The following ZNF738 variants were observed in gnomAD, a reference collection of about 807,000 sequenced individuals.
ZNF738 encodes protein ZNF738.
A neutral mutation model predicts 9.2 loss-of-function variants in ZNF738; 10 were observed. The observed-to-expected ratio is 1.09, with a 90% confidence interval of 0.67 to 1.85. ZNF738 has a LOEUF of 1.85. ZNF738 is among the 40% of genes most tolerant of loss of function. The pLI is 0.00. For missense variants in ZNF738, 346 were observed against 283.6 expected (o/e 1.22, Z -1.58); for synonymous variants, 113 against 94.5 (o/e 1.20, Z -1.14).
At position 21,384,979 on chromosome 19, in the gene ZNF738, G is replaced by C. The variant is rs7508607; in HGVS notation, c.*1305G>C. Among the ~76,000 whole-genome samples, 1 of 152,146 alleles carries C rather than the reference G, an allele frequency of 6.6e-6. No individual in the cohort carries two copies. Among genetic ancestry groups the C allele is most frequent in the African/African-American group, 2.4e-5 (1 of 41,440 alleles). ...TACTCATACTTTACTACACATAGGA[G>C]AATTCATGCGGAAGAGAATTTCTAC... On this transcript the variant is annotated 3_prime_UTR_variant, in exon 5 of 5. Coordinates refer to ENST00000683779, the MANE Select transcript of ZNF738 (RefSeq NM_001355237.2).
Position 21,384,281 on chromosome 19 carries a change from A to C in ZNF738, c.*607A>C, listed in dbSNP as rs573613141. On this transcript the variant is annotated 3_prime_UTR_variant, in exon 5 of 5. Transcript: ENST00000683779. ...AAGAATGTGGCAAAGCCTTTAGTGT[A>C]TTCTCAACCCTTACTAAACATAAGA... Among the ~76,000 whole-genome samples the C allele has an allele frequency of 1.5e-3, 233 of 151,762 alleles. 1 individual carries two copies. Among genetic ancestry groups the C allele is most frequent in the Non-Finnish European group, 2.6e-3 (178 of 67,870 alleles).
At chr19:21,359,225 CCT>C in intron 1 of ZNF738, 82 bp downstream of exon 1, 3 of 913,236 alleles carry the variant, frequency 3.3e-6, no homozygotes, top group Non-Finnish European at 5.5e-6. Context: ...GAGACTCAGG[CCT>C]CCCCGCAGTC....
At chr19:21,363,820 G>A (rs1186486866) in intron 2 of ZNF738, among the ~76,000 whole-genome samples, 2 of 151,166 alleles carry the variant, frequency 1.3e-5, no homozygotes, top group Admixed American at 6.6e-5. Flanking sequence ...CCCAGGAGTC[G>A]GAGGTTGCAG....
chr19:21,380,582 T>TA (rs1162378125), intron 4 of ZNF738, among the ~76,000 whole-genome samples: 3 of 152,148 alleles, frequency 2.0e-5, no homozygotes, highest in Non-Finnish European at 4.4e-5. Flanking sequence ...AGCAGGCACA[T>TA]AAGGTGGCAA....
Position 21,359,024 on chromosome 19 carries a change from G to C in ZNF738, c.-117G>C. On this transcript the variant is annotated 5_prime_UTR_variant, in exon 1 of 5. Transcript: ENST00000683779. ...TGTCTTTGGCTGCCGCTGGAACTCC[G>C]GGTCTCGTCTTCACTGCTCTGTGTC... The C allele has an allele frequency of 2.6e-6, 2 of 779,484 alleles. No homozygotes were observed. Among genetic ancestry groups the C allele is most frequent in the Non-Finnish European group, 4.7e-6 (2 of 427,304 alleles). 48.3% of individuals were successfully genotyped at this position (779,484 alleles called of 1,614,324 possible).
chr19:21,383,322 C>A lies in ZNF738; in HGVS notation c.776C>A (p.Ser259Tyr). Residue 259 changes from serine to tyrosine, a missense_variant, in exon 5 of 5, where the codon TCC becomes TAC. Transcript: ENST00000683779. ...RHKRIHTGDK[S>Y]YKHEECGKGF... ...AAGAGAATTCATACTGGAGACAAATCCTACAAACATGAAGAATGTGGAAAA... is the reference window on the plus strand; with the variant it reads ...AAGAGAATTCATACTGGAGACAAATACTACAAACATGAAGAATGTGGAAAA... 1.4e-6 allele frequency: 2 copies of A among 1,429,770 alleles called. No homozygotes were observed. The highest frequency in any genetic ancestry group is 2.3e-5 in the East Asian group (1 of 43,434). 88.6% of individuals were successfully genotyped at this position (1,429,770 alleles called of 1,614,324 possible). A position where few individuals can be genotyped will look rare whatever the true frequency, so the allele number is the denominator to read the frequency against.
chr19:21,380,747 G>A (rs1448275783), intron 4 of ZNF738, among the ~76,000 whole-genome samples: 14 of 152,138 alleles, frequency 9.2e-5, no homozygotes, highest in Admixed American at 2.0e-4. Context: ...TCATACAAAT[G>A]TATAAAAAGG....
At chr19:21,378,680 C>A in intron 4 of ZNF738, 1 of 391,954 alleles carries the variant, frequency 2.6e-6, no homozygotes, top group South Asian at 1.8e-5. Context: ...GCGATTTCAC[C>A]TCGCTGTGTC....
intron 1 of ZNF738, among the ~76,000 whole-genome samples, chr19:21,361,005 G>T (rs1015237178): frequency 4.0e-5 from 6 of 151,320 alleles, no homozygotes; most frequent in Non-Finnish European, 5.9e-5. Context: ...GAAGAGATAG[G>T]GTTTCTCCAT....
At chr19:21,379,209 TTTTA>T (rs1460380850) in intron 4 of ZNF738, 4 of 152,268 alleles carry the variant, frequency 2.6e-5, no homozygotes, top group South Asian at 4.1e-4. Context: ...TGTATACATT[TTTTA>T]TTTCTTTCTG....
At chr19:21,365,737 G>C (rs988052095) in intron 2 of ZNF738, among the ~76,000 whole-genome samples, 1 of 151,984 alleles carries the variant, frequency 6.6e-6, no homozygotes, top group African/African-American at 2.4e-5. Context: ...CGGGTGGATC[G>C]CTTGAGGTCA....
In ZNF738 at chr19:21,386,742, C is replaced by T. The variant is rs1380629003; in HGVS notation, c.*3068C>T. The T allele has an allele frequency of 5.5e-6, 1 of 182,416 alleles. No homozygotes were observed. Among genetic ancestry groups the T allele is most frequent in the African/African-American group, 2.4e-5 (1 of 41,934 alleles). 11.3% of individuals were successfully genotyped at this position (182,416 alleles called of 1,614,324 possible). On this transcript the variant is annotated 3_prime_UTR_variant, in exon 5 of 5. Transcript: ENST00000683779. ...TATTATTTTTAGAGATGGAGTTTCA[C>T]TCTTGTTGCCAAGGCTGCAATACTG...
chr19:21,361,271 G>A (rs1973687457), intron 1 of ZNF738, among the ~76,000 whole-genome samples: 1 of 151,842 alleles, frequency 6.6e-6, no homozygotes, highest in Non-Finnish European at 1.5e-5. Flanking sequence ...CGAGTAGCTG[G>A]GATTACAGGC....
At chr19:21,378,646 T>C (rs1973966973) in intron 4 of ZNF738, 1 of 367,372 alleles carries the variant, frequency 2.7e-6, no homozygotes, top group South Asian at 2.0e-5. Flanking sequence ...TTCACTGTTG[T>C]TCCCCAGGCC....
intron 4 of ZNF738, chr19:21,378,686 G>A: frequency 2.6e-6 from 1 of 385,642 alleles, no homozygotes; most frequent in Non-Finnish European, 5.4e-6. Flanking sequence ...TCACCTCGCT[G>A]TGTCCCAGGT....
At position 21,384,178 on chromosome 19, in the gene ZNF738, G is replaced by A. The variant is rs1228386590; in HGVS notation, c.*504G>A. 7.0e-7 allele frequency: 1 copy of A among 1,434,140 alleles called. No homozygotes were observed. Among genetic ancestry groups the A allele is most frequent in the Admixed American group, 1.7e-5 (1 of 58,974 alleles). 88.8% of individuals were successfully genotyped at this position (1,434,140 alleles called of 1,614,324 possible). A position where few individuals can be genotyped will look rare whatever the true frequency, so the allele number is the denominator to read the frequency against. Reference sequence around the variant, plus strand: ...GAGAAACGCTACAAATGTGAGGAATGTGGCAAAGCTTTTAACTGGTACTCA... The same window carrying A: ...GAGAAACGCTACAAATGTGAGGAATATGGCAAAGCTTTTAACTGGTACTCA... On this transcript the variant is annotated 3_prime_UTR_variant, in exon 5 of 5. Coordinates refer to ENST00000683779, the MANE Select transcript of ZNF738 (RefSeq NM_001355237.2).
In ZNF738 at chr19:21,385,668, T is replaced by C. The variant is rs1278725777; in HGVS notation, c.*1994T>C. ...TTACTGCACATAAGATAATTCATAC[T>C]GGAGAGAAACTCTACAAATGTCAAG... is the stretch of plus-strand genomic sequence containing the variant. On this transcript the variant is annotated 3_prime_UTR_variant, in exon 5 of 5. Coordinates refer to ENST00000683779, the MANE Select transcript of ZNF738 (RefSeq NM_001355237.2). Among the ~76,000 whole-genome samples the C allele has an allele frequency of 6.6e-6, 1 of 152,128 alleles. No individual in the cohort carries two copies. The highest frequency in any genetic ancestry group is 1.5e-5 in the Non-Finnish European group (1 of 68,014).
rs1001109556 is a variant in ZNF738, at chr19:21,383,672, T to A, written c.1126T>A (p.Ter376LysextTer70). The A allele has an allele frequency of 8.9e-6, 8 of 902,318 alleles. No homozygotes were observed. Among genetic ancestry groups the A allele is most frequent in the Non-Finnish European group, 1.2e-5 (7 of 570,122 alleles). 55.9% of individuals were successfully genotyped at this position (902,318 alleles called of 1,614,324 possible). The change falls in exon 5 of 5, where the codon TAA (stop) becomes AAA (lysine). Residue 376 changes from the stop codon to lysine (K), a stop_lost. Coordinates refer to ENST00000683779, the MANE Select transcript of ZNF738 (RefSeq NM_001355237.2). ...TGGAGAGAAACCCTACAAATGTGAA[T>A]AATGTGGCAAAGCCTTTAATGTATT... Reference protein sequence around the residue: ...HTGEKPYKCE* With the variant: ...HTGEKPYKCEK
intron 2 of ZNF738, among the ~76,000 whole-genome samples, chr19:21,373,379 AT>A (rs1220470500): frequency 6.6e-6 from 1 of 152,150 alleles, no homozygotes; most frequent in Non-Finnish European, 1.5e-5. Flanking sequence ...TTCAAGATAC[AT>A]TCATGAGAGT....
Sources: allele counts gnomAD v4.1 joint callset (sites outside exome capture counted in the v4.1 genomes callset), GRCh38; gene constraint gnomAD v4.1.1; transcripts MANE v1.5; gene names NCBI Gene and HGNC (gene_info 2026-07-23, HGNC 2026-07-21).